PFKP: variants seen among roughly 807,000 people sequenced by gnomAD.
The protein encoded by PFKP is phosphofructokinase, platelet.
Under a neutral mutation model 94.3 loss-of-function variants are expected in PFKP, and 101 were observed. The observed-to-expected ratio is 1.07, with a 90% CI of 0.91 to 1.26. PFKP has a LOEUF of 1.26. PFKP is among the 50% of genes most tolerant of loss of function. The pLI, the probability that PFKP is intolerant of heterozygous loss-of-function variation, is 0.00. For missense variants in PFKP, 1,145 were observed against 1,103.3 expected (o/e 1.04, Z -0.53); for synonymous variants, 573 against 432.6 (o/e 1.32, Z -4.03).
chr10:3,082,551 A>T, intron 2 of PFKP, 90 bp downstream of exon 2: 1 of 866,870 alleles, frequency 1.2e-6, no homozygotes, highest in East Asian at 2.7e-5. Context: ...TGCCTCCCCC[A>T]TGCTGAGCAC....
intron 13 of PFKP, among the ~76,000 whole-genome samples, 172 bp downstream of exon 13, chr10:3,113,690 G>C (rs925634265): frequency 6.6e-6 from 1 of 152,082 alleles, no homozygotes; most frequent in Non-Finnish European, 1.5e-5. Flanking sequence ...CCCTAAGGTA[G>C]GTTTCAGGCC....
In PFKP at chr10:3,103,519, C is replaced by T. The variant is rs375417562; in HGVS notation, c.455-260C>T. On this transcript the variant is annotated intron_variant, in intron 4 of 21. Transcript: ENST00000381125. ...AATCAGCCAGGCATAGTTCTAGCTT[C>T]TCAGGAGACTGAGGCAGAAGGATCG... 3.3e-5 allele frequency among the ~76,000 whole-genome samples: 5 copies of T among 152,216 alleles called. No homozygotes were observed. The South Asian group carries it at 1.0e-3, about 31-fold the overall frequency.
At chr10:3,119,623 CA>C (rs1837196659) in intron 15 of PFKP, among the ~76,000 whole-genome samples, 14 of 122,672 alleles carry the variant, frequency 1.1e-4, no homozygotes, top group Admixed American at 4.9e-4. Flanking sequence ...AAAACAAAAA[CA>C]AAGTAAGAAC....
At chr10:3,068,807 C>A in intron 1 of PFKP, 1 of 555,728 alleles carries the variant, frequency 1.8e-6, no homozygotes, top group Non-Finnish European at 2.3e-6. Flanking sequence ...GCTGGAGACG[C>A]GGCGCGCCCC....
chr10:3,104,473 T>C (rs1835345582), intron 5 of PFKP, among the ~76,000 whole-genome samples: 6 of 152,194 alleles, frequency 3.9e-5, no homozygotes, highest in Admixed American at 1.3e-4. Context: ...TGTCTCCCCT[T>C]TAAGGACGAG....
chr10:3,128,636 C>T (rs1039189321), intron 16 of PFKP, among the ~76,000 whole-genome samples: 8 of 152,120 alleles, frequency 5.3e-5, no homozygotes, highest in South Asian at 2.1e-4. Flanking sequence ...TGTTCCCTGG[C>T]GCCTCCTCCT....
intron 1 of PFKP, among the ~76,000 whole-genome samples, chr10:3,078,818 C>T (rs991058165): frequency 6.6e-6 from 1 of 152,184 alleles, no homozygotes; most frequent in Non-Finnish European, 1.5e-5. Flanking sequence ...GGACGTCCTA[C>T]TGGGCCCCAC....
intron 1 of PFKP, among the ~76,000 whole-genome samples, chr10:3,080,133 G>A (rs1221167443): frequency 1.3e-5 from 2 of 152,114 alleles, no homozygotes; most frequent in Non-Finnish European, 2.9e-5. Flanking sequence ...CAGGTGGGAG[G>A]TCCCTGGGGC....
chr10:3,102,108 G>A lies in PFKP; in HGVS notation c.454+554G>A, dbSNP rs372135423. On this transcript the variant is annotated intron_variant, in intron 4 of 21. Coordinates refer to ENST00000381125, the MANE Select transcript of PFKP (RefSeq NM_002627.5). The stretch of plus-strand genomic sequence containing the variant: ...CTACTAAAAATACAAAAAATTAGCC[G>A]GGCGTAGTGGCGGGCGCCTGTAGTC... Among the ~76,000 whole-genome samples, 31 of 150,556 alleles carry A rather than the reference G, an allele frequency of 2.1e-4. 1 individual carries two copies. Among genetic ancestry groups the A allele is most frequent in the African/African-American group, 5.1e-4 (21 of 41,152 alleles).
intron 2 of PFKP, among the ~76,000 whole-genome samples, chr10:3,084,573 A>T (rs575359544): frequency 2.6e-5 from 4 of 151,922 alleles, no homozygotes; most frequent in Admixed American, 6.6e-5. Context: ...ATCATTTTAT[A>T]TTTGGGTGTT....
At chr10:3,100,972 T>G in intron 3 of PFKP, 1 of 1,612,220 alleles carries the variant, frequency 6.2e-7, no homozygotes, top group Non-Finnish European at 8.5e-7. Flanking sequence ...TCACACCGCT[T>G]CCCTTGTCCT....
At chr10:3,096,511 G>T (rs935766412) in intron 2 of PFKP, among the ~76,000 whole-genome samples, 1 of 152,100 alleles carries the variant, frequency 6.6e-6, no homozygotes, top group Non-Finnish European at 1.5e-5. Flanking sequence ...GGGAGGTCCC[G>T]GTTTCTGCTG....
intron 2 of PFKP, among the ~76,000 whole-genome samples, chr10:3,098,414 G>A (rs1044810935): frequency 2.0e-5 from 3 of 151,926 alleles, no homozygotes; most frequent in East Asian, 1.9e-4. Flanking sequence ...GGTGGCTCAC[G>A]CCTGTAATTC....
intron 2 of PFKP, among the ~76,000 whole-genome samples, chr10:3,088,202 G>T (rs1248474778): frequency 6.4e-4 from 86 of 134,326 alleles, no homozygotes; most frequent in Non-Finnish European, 2.0e-4. Flanking sequence ...GTGTCCATGT[G>T]TTCTCATTGT....
chr10:3,088,003 T>C (rs967410856), intron 2 of PFKP, among the ~76,000 whole-genome samples: 3 of 150,596 alleles, frequency 2.0e-5, no homozygotes, highest in African/African-American at 4.9e-5. Flanking sequence ...TTTTTTTTTT[T>C]TTTACATTAT....
At chr10:3,135,904 T>C (rs1366861736) in intron 21 of PFKP, 66 bp downstream of exon 21, 5 of 922,744 alleles carry the variant, frequency 5.4e-6, no homozygotes, top group East Asian at 4.9e-5. Context: ...GGAATGGCCA[T>C]TGCTGTTGCT....
At chr10:3,069,976 A>G (rs953142055) in intron 1 of PFKP, among the ~76,000 whole-genome samples, 16 of 152,224 alleles carry the variant, frequency 1.1e-4, no homozygotes, top group Admixed American at 7.2e-4. Context: ...TTGGAAACCA[A>G]TATTATGTGG....
At chr10:3,091,669 G>C (rs1342282206) in intron 2 of PFKP, among the ~76,000 whole-genome samples, 1 of 152,154 alleles carries the variant, frequency 6.6e-6, no homozygotes, top group African/African-American at 2.4e-5. Flanking sequence ...ACAACAGGTA[G>C]CTGGGCGTGG....
intron 8 of PFKP, chr10:3,107,810 C>T: frequency 1.6e-6 from 2 of 1,219,426 alleles, no homozygotes; most frequent in Non-Finnish European, 2.1e-6. Flanking sequence ...CTTTGGCAGG[C>T]TTCGTGCCCT....
Sources: allele counts gnomAD v4.1 joint callset (sites outside exome capture counted in the v4.1 genomes callset), GRCh38; gene constraint gnomAD v4.1.1; transcripts MANE v1.5; gene names NCBI Gene and HGNC (gene_info 2026-07-23, HGNC 2026-07-21).